Variants in TNFRSF8 observed in about 807,000 individuals in gnomAD.
TNFRSF8 encodes tumor necrosis factor receptor superfamily member 8.
A neutral mutation model predicts 70.8 loss-of-function variants in TNFRSF8; 26 were observed. That is an observed-to-expected ratio of 0.37 (90% confidence interval 0.27 to 0.51). The LOEUF (loss-of-function observed/expected upper bound fraction) is 0.51. Among genes scored for constraint, TNFRSF8 ranks in the 20% least tolerant of loss-of-function variants. The pLI, the probability that TNFRSF8 is intolerant of heterozygous loss-of-function variation, is 0.94. For missense variants in TNFRSF8, 720 were observed against 807.9 expected (o/e 0.89, Z 1.32); for synonymous variants, 356 against 339.2 (o/e 1.05, Z -0.54).
At chr1:12,133,477 C>A (rs1038051206) in intron 12 of TNFRSF8, among the ~76,000 whole-genome samples, 1 of 152,078 alleles carries the variant, frequency 6.6e-6, no homozygotes, top group African/African-American at 2.4e-5. Flanking sequence ...TGCCGTGGCT[C>A]ACGCCTGTAA....
intron 8 of TNFRSF8, among the ~76,000 whole-genome samples, chr1:12,118,016 A>G (rs1641763159): frequency 6.6e-6 from 1 of 152,184 alleles, no homozygotes; most frequent in Non-Finnish European, 1.5e-5. Context: ...TGTTGCTGCG[A>G]AAGACTTGAT....
In TNFRSF8 at chr1:12,138,577, A is replaced by C. The variant is rs1042821245; in HGVS notation, c.1543+141A>C. ...GGAGAGGCATAGATTCTTCACCCCA[A>C]TTGAAGTTTCTGTAAGTAGGGACAG... On this transcript the variant is annotated intron_variant, in intron 14 of 14. Transcript: ENST00000263932. This position sits in a 1 kb window ranked among gnomAD's most constrained non-coding sequence, Gnocchi z 5.7. 9 of 869,704 alleles carry C rather than the reference A, an allele frequency of 1.0e-5. No homozygotes were observed. Among genetic ancestry groups the C allele is most frequent in the African/African-American group, 1.7e-5 (1 of 58,218 alleles). The allele number at this position is 869,704 out of a possible 1,614,324, so 53.9% of individuals were successfully genotyped here. A position where few individuals can be genotyped will look rare whatever the true frequency, so the allele number is the denominator to read the frequency against.
rs1641669277 is a variant in TNFRSF8, at chr1:12,113,524, A to G, written c.793+1510A>G. On this transcript the variant is annotated intron_variant, in intron 7 of 14. Transcript: ENST00000263932. This position sits in a 1 kb window ranked among gnomAD's most constrained non-coding sequence, Gnocchi z 4.9. Reference sequence around the variant, plus strand: ...GACAGAAAGAGAGAGTGAGAGAGAGACAGAAAGAGGGAGAGAAAGAGTGAG... The same window carrying G: ...GACAGAAAGAGAGAGTGAGAGAGAGGCAGAAAGAGGGAGAGAAAGAGTGAG... 6.6e-6 allele frequency among the ~76,000 whole-genome samples: 1 copy of G among 152,006 alleles called. No homozygotes were observed. Among genetic ancestry groups the G allele is most frequent in the South Asian group, 2.1e-4 (1 of 4,814 alleles).
intron 12 of TNFRSF8, among the ~76,000 whole-genome samples, chr1:12,131,215 C>G (rs1234725936): frequency 3.3e-5 from 5 of 152,082 alleles, no homozygotes. Context: ...TTTGGGAGGC[C>G]AAGGTGGGTG....
At chr1:12,084,723 G>T (rs1191369752) in intron 2 of TNFRSF8, among the ~76,000 whole-genome samples, 172 bp downstream of exon 2, 2 of 148,088 alleles carry the variant, frequency 1.4e-5, no homozygotes, top group African/African-American at 4.9e-5. Flanking sequence ...CTCTCGGAAG[G>T]CTAGGGCTGT....
chr1:12,107,119 G>T (rs1298344734), intron 4 of TNFRSF8, among the ~76,000 whole-genome samples: 1 of 152,346 alleles, frequency 6.6e-6, no homozygotes, highest in Non-Finnish European at 1.5e-5. Context: ...TAGGGGCCGG[G>T]TGCGGTGGCT....
intron 1 of TNFRSF8, among the ~76,000 whole-genome samples, chr1:12,065,077 C>G (rs1046376372): frequency 9.3e-6 from 1 of 107,790 alleles, no homozygotes. Context: ...TCATACCAAA[C>G]CTTTTTTTTT....
At chr1:12,093,847 G>T (rs1046804248) in intron 2 of TNFRSF8, among the ~76,000 whole-genome samples, 1 of 152,016 alleles carries the variant, frequency 6.6e-6, no homozygotes, top group Admixed American at 6.5e-5. Context: ...AAGGCGGGAC[G>T]GATCATGAGG....
chr1:12,126,800 G>T (rs1447281170), intron 12 of TNFRSF8, among the ~76,000 whole-genome samples: 3 of 152,274 alleles, frequency 2.0e-5, no homozygotes, highest in Non-Finnish European at 4.4e-5. Context: ...GCAGATGGTA[G>T]AATCTACTTC....
chr1:12,092,054 C>G lies in TNFRSF8; in HGVS notation c.152-5047C>G, dbSNP rs577637807. Among the ~76,000 whole-genome samples, 91 of 152,324 alleles carry G rather than the reference C, an allele frequency of 6.0e-4. 1 individual carries two copies. The highest frequency in any genetic ancestry group is 2.1e-3 in the African/African-American group (88 of 41,564). ...GCCATGGACTGGTACTGGTCCCCGG[C>G]TGGGGACTGGGGTCGCCTGGCTTGT... On this transcript the variant is annotated intron_variant, in intron 2 of 14. Coordinates refer to ENST00000263932, the MANE Select transcript of TNFRSF8 (RefSeq NM_001243.5).
chr1:12,142,631 C>A lies in TNFRSF8; in HGVS notation c.*100C>A. ...GGTTGGGGGCAGAGGCCCATCTGGC[C>A]TGAACTGAGGCTCCAGCATCTAGTG... On this transcript the variant is annotated 3_prime_UTR_variant, in exon 15 of 15. Coordinates refer to ENST00000263932, the MANE Select transcript of TNFRSF8 (RefSeq NM_001243.5). This position sits in a 1 kb window ranked among gnomAD's most constrained non-coding sequence, Gnocchi z 5.0. 2 of 1,440,460 alleles carry A rather than the reference C, an allele frequency of 1.4e-6. No individual in the cohort carries two copies. The highest frequency in any genetic ancestry group is 1.9e-6 in the Non-Finnish European group (2 of 1,080,924). 89.2% of individuals were successfully genotyped at this position (1,440,460 alleles called of 1,614,324 possible). A position where few individuals can be genotyped will look rare whatever the true frequency, so the allele number is the denominator to read the frequency against.
intron 10 of TNFRSF8, among the ~76,000 whole-genome samples, chr1:12,124,556 G>A (rs2101027590): frequency 6.6e-6 from 1 of 152,290 alleles, no homozygotes; most frequent in Admixed American, 6.5e-5. Context: ...GGACGCGGTG[G>A]CTCACGCCTG....
chr1:12,137,039 G>A (rs905329215), intron 13 of TNFRSF8, among the ~76,000 whole-genome samples: 13 of 151,996 alleles, frequency 8.6e-5, no homozygotes, highest in Non-Finnish European at 1.6e-4. Flanking sequence ...GGGCCCTGCC[G>A]CCTTCCGCAG....
intron 2 of TNFRSF8, among the ~76,000 whole-genome samples, chr1:12,087,165 CTTTT>C (rs71230982): frequency 0.011 from 919 of 83,932 alleles, 30 homozygotes; most frequent in African/African-American, 0.039. Context: ...CTCTCTCTCT[CTTTT>C]TTTTTTTTTT....
intron 8 of TNFRSF8, among the ~76,000 whole-genome samples, chr1:12,118,393 G>A (rs995461135): frequency 6.6e-6 from 1 of 152,196 alleles, no homozygotes; most frequent in Admixed American, 6.5e-5. Context: ...TTACAGGCGT[G>A]AGCCACCGCA....
rs11569855 is a variant in TNFRSF8 at position 12,104,818 on chromosome 1, C to A, written c.421+287C>A. Among the ~76,000 whole-genome samples the A allele has an allele frequency of 8.2e-3, 1,243 of 152,208 alleles. 11 individuals are homozygous for A. The highest frequency in any genetic ancestry group is 0.027 in the African/African-American group (1,136 of 41,526). On this transcript the variant is annotated intron_variant, in intron 4 of 14. Coordinates refer to ENST00000263932, the MANE Select transcript of TNFRSF8 (RefSeq NM_001243.5). Reference sequence around the variant, plus strand: ...GGCTCAAGGCAGAAGTTATCTGATGCCCCATAAACAAGAAGGGAACCTCAA... The same window carrying A: ...GGCTCAAGGCAGAAGTTATCTGATGACCCATAAACAAGAAGGGAACCTCAA...
At chr1:12,136,038 G>T (rs1642138969) in intron 13 of TNFRSF8, among the ~76,000 whole-genome samples, 1 of 151,862 alleles carries the variant, frequency 6.6e-6, no homozygotes, top group South Asian at 2.1e-4. Context: ...CCTCCAAGCT[G>T]GATGACAGAG....
At chr1:12,128,473 G>A (rs908543319) in intron 12 of TNFRSF8, among the ~76,000 whole-genome samples, 1 of 152,216 alleles carries the variant, frequency 6.6e-6, no homozygotes, top group Non-Finnish European at 1.5e-5. Context: ...AAGCACACAC[G>A]TGATCTCATC....
intron 3 of TNFRSF8, among the ~76,000 whole-genome samples, chr1:12,103,675 T>C (rs1641465165): frequency 6.6e-6 from 1 of 152,018 alleles, no homozygotes; most frequent in African/African-American, 2.4e-5. Flanking sequence ...GATTTCACCA[T>C]GTTGCCCATG....
Sources: allele counts gnomAD v4.1 joint callset (sites outside exome capture counted in the v4.1 genomes callset), GRCh38; gene constraint gnomAD v4.1.1; non-coding constraint Gnocchi (gnomAD v3.1); transcripts MANE v1.5; gene names NCBI Gene and HGNC (gene_info 2026-07-23, HGNC 2026-07-21).